FYN: variants seen among roughly 807,000 people sequenced by gnomAD.
The protein encoded by FYN is FYN proto-oncogene, Src family tyrosine kinase.
FYN carries 10 observed loss-of-function variants against 70.2 expected under a neutral mutation model. The ratio of observed to expected loss-of-function variants is 0.14; its 90% CI spans 0.09 to 0.24. The LOEUF is 0.24. FYN is among the 10% of genes least tolerant of loss of function. FYN has a pLI of 1.00. For missense variants in FYN, 319 were observed against 673.1 expected (o/e 0.47, Z 5.82); for synonymous variants, 236 against 248.6 (o/e 0.95, Z 0.48).
chr6:111,801,701 T>C (rs1771990975), intron 2 of FYN, among the ~76,000 whole-genome samples: 1 of 152,196 alleles, frequency 6.6e-6, no homozygotes, highest in Non-Finnish European at 1.5e-5. Context: ...CTGTGACAAA[T>C]GAAAACAGTG....
chr6:111,762,649 T>C (rs774618356), intron 3 of FYN, among the ~76,000 whole-genome samples: 3 of 152,202 alleles, frequency 2.0e-5, no homozygotes. Flanking sequence ...ATTTCCCTGA[T>C]GTATTTTGAA....
chr6:111,809,852 A>T (rs1002086468), intron 2 of FYN, among the ~76,000 whole-genome samples: 7 of 152,246 alleles, frequency 4.6e-5, no homozygotes, highest in Non-Finnish European at 8.8e-5. Flanking sequence ...TTCCCTTAAA[A>T]AGGTGGCACA....
intron 3 of FYN, among the ~76,000 whole-genome samples, chr6:111,739,095 A>T (rs570378574): frequency 9.3e-4 from 141 of 152,118 alleles, no homozygotes; most frequent in African/African-American, 3.2e-3. Flanking sequence ...AACTGAAGTG[A>T]CCCCAGGGCA....
Position 111,795,007 on chromosome 6 carries a change from T to C in FYN, c.-81-14372A>G, listed in dbSNP as rs9487720. On this transcript the variant is annotated intron_variant, in intron 2 of 13. Transcript: ENST00000354650. ...ACACAACCCGCTAAAGCACACTCTT[T>C]TAACCTGTGGTCCCGAGTCAATTCA... Among the ~76,000 whole-genome samples, 887 of 152,324 alleles carry C rather than the reference T, an allele frequency of 5.8e-3. 8 individuals carry two copies. Among genetic ancestry groups the C allele is most frequent in the African/African-American group, 0.02 (850 of 41,566 alleles).
rs150614803 is a variant in FYN at position 111,799,370 on chromosome 6, A to G, written c.-81-18735T>C. 2.0e-3 allele frequency among the ~76,000 whole-genome samples: 299 copies of G among 152,296 alleles called. 1 individual carries two copies. Among genetic ancestry groups the G allele is most frequent in the African/African-American group, 6.6e-3 (275 of 41,562 alleles). On this transcript the variant is annotated intron_variant, in intron 2 of 13. Transcript: ENST00000354650. ...GTAAAAATTAGAAGATGAGGTGGAA[A>G]TAGAGGTGGGGAGAGGGAAAAATAC...
intron 4 of FYN, among the ~76,000 whole-genome samples, chr6:111,717,882 T>C (rs1800740954): frequency 6.6e-6 from 1 of 152,184 alleles, no homozygotes; most frequent in South Asian, 2.1e-4. Flanking sequence ...TTCTGCCCCA[T>C]CCCAAGTGGG....
At chr6:111,826,523 G>A (rs1025976884) in intron 2 of FYN, among the ~76,000 whole-genome samples, 1 of 151,466 alleles carries the variant, frequency 6.6e-6, no homozygotes, top group South Asian at 2.1e-4. Flanking sequence ...GACTAATTTC[G>A]CTTCCTAAAA....
At chr6:111,801,132 A>G (rs780675094) in intron 2 of FYN, among the ~76,000 whole-genome samples, 78 of 152,314 alleles carry the variant, frequency 5.1e-4, no homozygotes, top group Admixed American at 2.0e-4. Flanking sequence ...GTCTAGTTTC[A>G]TACCTGAGAG....
intron 12 of FYN, among the ~76,000 whole-genome samples, chr6:111,688,078 A>T (rs1799104001): frequency 6.6e-6 from 1 of 152,204 alleles, no homozygotes; most frequent in Admixed American, 6.5e-5. Flanking sequence ...AAAAAACTCC[A>T]AAGTGTTGTG....
At chr6:111,865,655 T>C (rs1208918746) in intron 1 of FYN, among the ~76,000 whole-genome samples, 1 of 152,196 alleles carries the variant, frequency 6.6e-6, no homozygotes, top group Non-Finnish European at 1.5e-5. Flanking sequence ...AAAATTATTA[T>C]AGTCCTCTAA....
At chr6:111,692,770 C>A (rs1799393550) in intron 12 of FYN, among the ~76,000 whole-genome samples, 1 of 152,224 alleles carries the variant, frequency 6.6e-6, no homozygotes, top group South Asian at 2.1e-4. Context: ...GAGCTGGGAT[C>A]TGACAGACTT....
chr6:111,792,109 A>G (rs888507147), intron 2 of FYN, among the ~76,000 whole-genome samples: 3 of 152,250 alleles, frequency 2.0e-5, no homozygotes, highest in Non-Finnish European at 2.9e-5. Flanking sequence ...AGAGTGGAGA[A>G]CATAATTGCA....
At chr6:111,742,663 C>T (rs1802030005) in intron 3 of FYN, among the ~76,000 whole-genome samples, 1 of 152,210 alleles carries the variant, frequency 6.6e-6, no homozygotes, top group Non-Finnish European at 1.5e-5. Flanking sequence ...TGCAACTGAA[C>T]AGAACTGTTC....
intron 3 of FYN, among the ~76,000 whole-genome samples, chr6:111,754,283 G>A (rs1204170973): frequency 6.6e-6 from 1 of 152,168 alleles, no homozygotes; most frequent in African/African-American, 2.4e-5. Context: ...AATCATTTGG[G>A]TGAGGGGTAC....
At chr6:111,835,991 G>A (rs763335604) in intron 2 of FYN, among the ~76,000 whole-genome samples, 10 of 152,164 alleles carry the variant, frequency 6.6e-5, no homozygotes, top group Non-Finnish European at 1.2e-4. Context: ...TTGGCTCCAC[G>A]AGGAGCAAGA....
chr6:111,827,201 T>C (rs1014096340), intron 2 of FYN, among the ~76,000 whole-genome samples: 16 of 152,214 alleles, frequency 1.1e-4, no homozygotes, highest in Non-Finnish European at 2.4e-4. Flanking sequence ...TATGGATCAG[T>C]AGCAGCTTTC....
At chr6:111,796,820 A>C (rs182314460) in intron 2 of FYN, among the ~76,000 whole-genome samples, 39 of 152,348 alleles carry the variant, frequency 2.6e-4, no homozygotes, top group Non-Finnish European at 5.4e-4. Flanking sequence ...GCACAGGCCA[A>C]TGAAATTGCA....
rs1037572864 is a variant in FYN at position 111,812,333 on chromosome 6, C to G, written c.-81-31698G>C. Among the ~76,000 whole-genome samples, 3 of 152,124 alleles carry G rather than the reference C, an allele frequency of 2.0e-5. No homozygotes were observed. The East Asian group carries it at 5.8e-4, about 29-fold the overall frequency. ...AAATGCCCATGGCAAAACCTCGGGACTCTTTCATCTAAATGGATGTGTTAA... is the reference window on the plus strand; with the variant it reads ...AAATGCCCATGGCAAAACCTCGGGAGTCTTTCATCTAAATGGATGTGTTAA... On this transcript the variant is annotated intron_variant, in intron 2 of 13. Coordinates refer to ENST00000354650, the MANE Select transcript of FYN (RefSeq NM_002037.5).
chr6:111,689,421 C>T (rs1394840223), intron 12 of FYN, among the ~76,000 whole-genome samples: 2 of 152,174 alleles, frequency 1.3e-5, no homozygotes, highest in Non-Finnish European at 2.9e-5. Flanking sequence ...CAATTGCTAA[C>T]CTAGGTTTGC....
Sources: gnomAD v4.1 joint callset for allele counts (sites outside exome capture counted in the v4.1 genomes callset) on GRCh38, gnomAD v4.1.1 for gene constraint, MANE v1.5 for transcripts, NCBI Gene and HGNC (gene_info 2026-07-23, HGNC 2026-07-21) for gene names.